The following OXR1 variants were observed in gnomAD, a reference collection of about 807,000 sequenced individuals.
The protein encoded by OXR1 is oxidation resistance protein 1.
Under a neutral mutation model 104.6 loss-of-function variants are expected in OXR1, and 41 were observed. The observed-to-expected ratio is 0.39, with a 90% CI of 0.31 to 0.51. OXR1 has a LOEUF of 0.51. OXR1 is among the 20% of genes least tolerant of loss of function. OXR1 has a pLI of 0.77. For missense variants in OXR1, 955 were observed against 1,031.9 expected (o/e 0.93, Z 1.02); for synonymous variants, 348 against 348.4 (o/e 1.00, Z 0.01).
Position 106,586,082 on chromosome 8 carries a change from C to T in OXR1, c.220+66943C>T, listed in dbSNP as rs528042662. On this transcript the variant is annotated intron_variant, in intron 3 of 16. Transcript: ENST00000517566. ...GCAATGATTTGGCAAATCTGACTTACATTTTGAGAGACTTGTTCTAACTAG... is the reference window on the plus strand; with the variant it reads ...GCAATGATTTGGCAAATCTGACTTATATTTTGAGAGACTTGTTCTAACTAG... 2.0e-5 allele frequency among the ~76,000 whole-genome samples: 3 copies of T among 152,214 alleles called. No individual in the cohort carries two copies. In the East Asian group the frequency reaches 5.8e-4, roughly 29 times the overall value.
At chr8:106,275,113 C>G (rs573818537) in intron 1 of OXR1, among the ~76,000 whole-genome samples, 35 of 152,146 alleles carry the variant, frequency 2.3e-4, no homozygotes, top group Admixed American at 6.5e-4. Flanking sequence ...AGATATTTCC[C>G]GATTGTTGAA....
intron 1 of OXR1, among the ~76,000 whole-genome samples, chr8:106,310,667 A>C (rs775828213): frequency 2.6e-5 from 4 of 152,202 alleles, no homozygotes; most frequent in Non-Finnish European, 5.9e-5. Flanking sequence ...CATTTGATTG[A>C]TAGTATAATA....
chr8:106,286,836 C>CT (rs1812522871), intron 1 of OXR1, among the ~76,000 whole-genome samples: 3 of 152,122 alleles, frequency 2.0e-5, no homozygotes, highest in Admixed American at 2.0e-4. Context: ...GTAATGGTCT[C>CT]TAACATGAAT....
intron 2 of OXR1, among the ~76,000 whole-genome samples, chr8:106,466,909 C>T (rs1469371811): frequency 1.3e-5 from 2 of 151,810 alleles, no homozygotes; most frequent in South Asian, 2.1e-4. Flanking sequence ...TGATATTGTA[C>T]AGCTGATAAA....
In OXR1 at chr8:106,395,285, A is replaced by G. The variant is rs1457084531; in HGVS notation, c.23+35649A>G. ...TGTTGAATTAGAGTTGGAGCCATCA[A>G]TATGCACAAGATAAAGATTTTCATG... On this transcript the variant is annotated intron_variant, in intron 2 of 16. Coordinates refer to ENST00000517566, the MANE Select transcript of OXR1 (RefSeq NM_001198533.2). 2.0e-5 allele frequency among the ~76,000 whole-genome samples: 3 copies of G among 152,138 alleles called. No individual in the cohort carries two copies. In the East Asian group the frequency reaches 5.8e-4, roughly 29 times the overall value.
At chr8:106,534,034 G>T (rs1173131765) in intron 3 of OXR1, among the ~76,000 whole-genome samples, 1 of 152,100 alleles carries the variant, frequency 6.6e-6, no homozygotes, top group Non-Finnish European at 1.5e-5. Flanking sequence ...TTATCAGAGG[G>T]ACTCAGAGAG....
intron 1 of OXR1, among the ~76,000 whole-genome samples, chr8:106,342,659 T>C (rs1352418044): frequency 2.0e-5 from 3 of 152,168 alleles, no homozygotes. Context: ...TTCATCTGTG[T>C]GCAGCCCATA....
At chr8:106,627,340 C>T (rs1487722139) in intron 3 of OXR1, among the ~76,000 whole-genome samples, 4 of 152,012 alleles carry the variant, frequency 2.6e-5, no homozygotes, top group Non-Finnish European at 1.5e-5. Flanking sequence ...AATATGGAGA[C>T]TCTCCCACAA....
intron 11 of OXR1, among the ~76,000 whole-genome samples, chr8:106,725,341 A>G (rs1296882464): frequency 6.6e-6 from 1 of 152,180 alleles, no homozygotes; most frequent in East Asian, 1.9e-4. Flanking sequence ...TGCATACAAC[A>G]AAGTGAAGTG....
intron 11 of OXR1, among the ~76,000 whole-genome samples, chr8:106,734,490 T>C (rs563071816): frequency 1.3e-5 from 2 of 152,360 alleles, no homozygotes; most frequent in South Asian, 4.1e-4. Context: ...CATTGACATA[T>C]AACTAGCAGA....
chr8:106,729,187 A>G (rs528199304), intron 11 of OXR1, among the ~76,000 whole-genome samples: 1 of 152,226 alleles, frequency 6.6e-6, no homozygotes, highest in Non-Finnish European at 1.5e-5. Context: ...ATATTACTTT[A>G]TCATCTCCAT....
chr8:106,711,366 A>G (rs1831670120), intron 10 of OXR1, among the ~76,000 whole-genome samples: 1 of 152,124 alleles, frequency 6.6e-6, no homozygotes, highest in African/African-American at 2.4e-5. Context: ...TCCCTGTACT[A>G]TTATTCACTT....
chr8:106,618,543 G>A (rs190324385), intron 3 of OXR1, among the ~76,000 whole-genome samples: 2 of 152,260 alleles, frequency 1.3e-5, no homozygotes, highest in African/African-American at 2.4e-5. Flanking sequence ...GTCTCTTCAT[G>A]TCCAGTGGCC....
chr8:106,595,550 C>CAAAAAAA (rs67790797), intron 3 of OXR1, among the ~76,000 whole-genome samples: 2 of 60,702 alleles, frequency 3.3e-5, no homozygotes, highest in Non-Finnish European at 7.1e-5. Flanking sequence ...AACTCCGTCT[C>CAAAAAAA]AAAAAAAAAA....
intron 6 of OXR1, among the ~76,000 whole-genome samples, chr8:106,691,282 G>A (rs1260680332): frequency 1.3e-5 from 2 of 151,858 alleles, no homozygotes; most frequent in Admixed American, 6.6e-5. Context: ...CAAATGAGCT[G>A]CAAAACCACC....
chr8:106,272,731 C>T (rs1395459672), intron 1 of OXR1: 1 of 152,108 alleles, frequency 6.6e-6, no homozygotes, highest in Non-Finnish European at 1.5e-5. Flanking sequence ...TTATTCTGGA[C>T]ATCTGTAAGG....
At chr8:106,658,859 A>G (rs546304694) in intron 3 of OXR1, among the ~76,000 whole-genome samples, 4 of 152,326 alleles carry the variant, frequency 2.6e-5, no homozygotes, top group African/African-American at 7.2e-5. Context: ...TTGTAGCGAC[A>G]TGATATTGAT....
intron 3 of OXR1, among the ~76,000 whole-genome samples, chr8:106,607,459 T>C (rs1298363635): frequency 1.3e-5 from 2 of 152,218 alleles, no homozygotes; most frequent in Non-Finnish European, 2.9e-5. Context: ...CAAGTAGCCT[T>C]CCTCACTGTA....
chr8:106,525,201 G>A (rs1813565538), intron 3 of OXR1, among the ~76,000 whole-genome samples: 2 of 152,190 alleles, frequency 1.3e-5, no homozygotes, highest in African/African-American at 4.8e-5. Context: ...GTTGGAGGAC[G>A]AGCTTAACAT....
Sources: allele counts gnomAD v4.1 joint callset (sites outside exome capture counted in the v4.1 genomes callset), GRCh38; gene constraint gnomAD v4.1.1; transcripts MANE v1.5; gene names NCBI Gene and HGNC (gene_info 2026-07-23, HGNC 2026-07-21).